The following DOCK10 variants were observed in gnomAD, a reference collection of about 807,000 sequenced individuals.
DOCK10 encodes the protein dedicator of cytokinesis 10.
A neutral mutation model predicts 280.1 loss-of-function variants in DOCK10; 145 were observed. That is an observed-to-expected ratio of 0.52 (90% CI 0.45 to 0.59). The LOEUF (loss-of-function observed/expected upper bound fraction) is 0.59. Among genes scored for constraint, DOCK10 ranks in the 20% least tolerant of loss-of-function variants. DOCK10 has a pLI of 0.00. For synonymous variants in DOCK10, 915 were observed against 942.2 expected, an observed-to-expected ratio of 0.97 and a Z score of 0.53; for missense variants, 2,368 against 2,651.7, an observed-to-expected ratio of 0.89 and a Z score of 2.35.
At chr2:225,039,968 C>A (rs79158120) in intron 1 of DOCK10, among the ~76,000 whole-genome samples, 7,418 of 152,210 alleles carry the variant, frequency 0.049, 397 homozygotes, top group East Asian at 0.19. Context: ...TACACACCCG[C>A]GGTTCTATGA....
At chr2:225,017,880 T>A (rs1018371175) in intron 1 of DOCK10, among the ~76,000 whole-genome samples, 3 of 152,204 alleles carry the variant, frequency 2.0e-5, no homozygotes, top group Non-Finnish European at 4.4e-5. Flanking sequence ...TGGTCTGGGC[T>A]ATAATTCTAT....
chr2:224,784,615 C>T, intron 50 of DOCK10: 1 of 896,420 alleles, frequency 1.1e-6, no homozygotes, highest in South Asian at 1.4e-5. Flanking sequence ...GCAGGATTAT[C>T]TCTCCCTTTG....
intron 1 of DOCK10, among the ~76,000 whole-genome samples, chr2:224,937,218 A>G (rs1702740310): frequency 6.6e-6 from 1 of 152,198 alleles, no homozygotes; most frequent in Non-Finnish European, 1.5e-5. Context: ...TTGGAAGTTC[A>G]GGATTTCTTA....
chr2:224,945,337 TA>T (rs1324488098), intron 1 of DOCK10, among the ~76,000 whole-genome samples: 1 of 152,136 alleles, frequency 6.6e-6, no homozygotes, highest in Non-Finnish European at 1.5e-5. Flanking sequence ...AGGAAGTGGT[TA>T]GGTCCAGGCT....
chr2:224,821,289 C>T (rs571278670), intron 28 of DOCK10, among the ~76,000 whole-genome samples: 1 of 152,220 alleles, frequency 6.6e-6, no homozygotes, highest in South Asian at 2.1e-4. Flanking sequence ...TTGTTAAATT[C>T]CAATGTTGAC....
At chr2:225,013,710 G>A (rs1689508162) in intron 1 of DOCK10, among the ~76,000 whole-genome samples, 1 of 152,124 alleles carries the variant, frequency 6.6e-6, no homozygotes, top group Non-Finnish European at 1.5e-5. Flanking sequence ...CTTGAGTGAA[G>A]GCATCCTACA....
At chr2:224,851,458 T>TAA (rs765444040) in intron 18 of DOCK10, among the ~76,000 whole-genome samples, 90 of 139,480 alleles carry the variant, frequency 6.5e-4, no homozygotes, top group African/African-American at 8.0e-4. Context: ...TTTTTTTTTT[T>TAA]AAAAAAAAAA....
At chr2:225,028,800 G>A (rs1413465972) in intron 1 of DOCK10, among the ~76,000 whole-genome samples, 1 of 152,168 alleles carries the variant, frequency 6.6e-6, no homozygotes, top group Non-Finnish European at 1.5e-5. Flanking sequence ...ATTTTCAACT[G>A]GCTGCCAAGC....
At chr2:224,775,218 CTCCCCTTGG>C in intron 51 of DOCK10, 103 bp from the exon 52 acceptor site, 1 of 1,054,704 alleles carries the variant, frequency 9.5e-7, no homozygotes, top group African/African-American at 1.6e-5. Flanking sequence ...GGCTGTGCCT[CTCCCCTTGG>C]AGAAAAATGG....
chr2:224,876,135 C>A lies in DOCK10; in HGVS notation c.834G>T (p.Met278Ile). Residue 278 changes from methionine to isoleucine, a missense_variant, in exon 8 of 56, where the codon ATG becomes ATT. Physicochemically the swap from Met to Ile is conservative, Grantham distance 10 (BLOSUM62 1). Transcript: ENST00000258390. ...FVLAAETESD[M>I]DEWIHTLNRI... is the part of the protein sequence containing the mutation. ...GGTTGAGGGTGTGGATCCATTCATC[C>A]ATATCTGACTCTGTTTCAGCTGCCA... The A allele has an allele frequency of 1.9e-6, 3 of 1,613,946 alleles. No individual in the cohort carries two copies. Among genetic ancestry groups the A allele is most frequent in the Non-Finnish European group, 2.5e-6 (3 of 1,179,858 alleles).
At chr2:224,851,449 T>A (rs966801042) in intron 18 of DOCK10, among the ~76,000 whole-genome samples, 1 of 142,014 alleles carries the variant, frequency 7.0e-6, no homozygotes, top group Non-Finnish European at 1.5e-5. Flanking sequence ...AAGACCTTCT[T>A]TTTTTTTTTA....
intron 15 of DOCK10, among the ~76,000 whole-genome samples, chr2:224,855,711 G>C (rs548447162): frequency 1.3e-5 from 2 of 152,146 alleles, no homozygotes; most frequent in African/African-American, 2.4e-5. Context: ...GGTAACAGTC[G>C]CAAGTGTTAT....
chr2:224,765,874 G>C (rs1357866497), intron 55 of DOCK10, 37 bp from the exon 56 acceptor site: 1 of 1,513,644 alleles, frequency 6.6e-7, no homozygotes, highest in Non-Finnish European at 9.1e-7. Context: ...ACAGAATGCA[G>C]AGGTTAATGT....
intron 11 of DOCK10, among the ~76,000 whole-genome samples, chr2:224,868,925 T>C (rs1698094707): frequency 6.6e-6 from 1 of 152,180 alleles, no homozygotes; most frequent in African/African-American, 2.4e-5. Context: ...TGTTGCATTT[T>C]GATTTTCATT....
chr2:225,012,500 A>G (rs1168066700), intron 1 of DOCK10, among the ~76,000 whole-genome samples: 1 of 152,162 alleles, frequency 6.6e-6, no homozygotes, highest in Non-Finnish European at 1.5e-5. Flanking sequence ...ACAATTCCCA[A>G]ATTCTTTAAT....
intron 25 of DOCK10, among the ~76,000 whole-genome samples, chr2:224,834,836 C>G (rs368494275): frequency 1.3e-5 from 2 of 152,128 alleles, no homozygotes; most frequent in African/African-American, 2.4e-5. Context: ...CCACTGAGGG[C>G]ACATAATGGC....
chr2:224,774,048 T>A (rs555963374), intron 52 of DOCK10, among the ~76,000 whole-genome samples: 1 of 152,338 alleles, frequency 6.6e-6, no homozygotes, highest in South Asian at 2.1e-4. Context: ...TAGTATATAT[T>A]GATATAGCTT....
At chr2:225,022,540 G>A (rs1327924465) in intron 1 of DOCK10, among the ~76,000 whole-genome samples, 2 of 152,154 alleles carry the variant, frequency 1.3e-5, no homozygotes, top group South Asian at 2.1e-4. Flanking sequence ...TCACACACAT[G>A]TAGAACTTAA....
chr2:224,792,484 A>AT (rs1692268054), intron 47 of DOCK10, among the ~76,000 whole-genome samples: 1 of 152,070 alleles, frequency 6.6e-6, no homozygotes, highest in African/African-American at 2.4e-5. Flanking sequence ...AGGCTTCACC[A>AT]TGTTGGCCAG....
Sources: gnomAD v4.1 joint callset for allele counts (sites outside exome capture counted in the v4.1 genomes callset) on GRCh38, gnomAD v4.1.1 for gene constraint, MANE v1.5 for transcripts, NCBI Gene and HGNC (gene_info 2026-07-23, HGNC 2026-07-21) for gene names.